Variants in GP5 observed in about 807,000 individuals in gnomAD.
GP5 encodes platelet glycoprotein V.
For synonymous variants in GP5, 382 were observed against 353.9 expected (o/e 1.08, Z -0.89); for missense variants, 755 against 737.1 (o/e 1.02, Z -0.28).
intron 1 of GP5, among the ~76,000 whole-genome samples, chr3:194,398,648 CTT>C (rs1162816379): frequency 6.6e-6 from 1 of 152,194 alleles, no homozygotes; most frequent in South Asian, 2.1e-4. Flanking sequence ...CTGCTCTTGA[CTT>C]TATAACTTAC....
At position 194,396,596 on chromosome 3, in the gene GP5, T is replaced by G; in HGVS notation, c.*4A>C. The G allele has an allele frequency of 1.3e-6, 2 of 1,598,748 alleles. No homozygotes were observed. The highest frequency in any genetic ancestry group is 1.1e-5 in the South Asian group (1 of 89,020). On this transcript the variant is annotated 3_prime_UTR_variant, in exon 2 of 2. Coordinates refer to ENST00000692618, the MANE Select transcript of GP5 (RefSeq NM_004488.2). Reference sequence around the variant, plus strand: ...CTAAGTAATTAGAAGATTTTCCCATTGGTTTACCCAAGGGCTCTCTCTCTG... The same window carrying G: ...CTAAGTAATTAGAAGATTTTCCCATGGGTTTACCCAAGGGCTCTCTCTCTG...
rs749631647 is a variant in GP5, at chr3:194,398,144, C to T, written c.139G>A (p.Gly47Ser). 8 of 1,613,126 alleles carry T rather than the reference C, an allele frequency of 5.0e-6. No homozygotes were observed. The South Asian group carries it at 8.8e-5, about 18-fold the overall frequency. Reference protein sequence around the residue: ...GGDVARISALGLPTNLTHILL... With the variant: ...GGDVARISALSLPTNLTHILL... ...ATGTGCGTGAGGTTGGTGGGCAGGC[C>T]TAGCGCGGAGATGCGCGCCACGTCG... Residue 47 changes from glycine (G) to serine (S), a missense_variant, in exon 2 of 2, where the codon GGC becomes AGC. Gly to Ser is a moderately conservative substitution (Grantham distance 56). Coordinates refer to ENST00000692618, the MANE Select transcript of GP5 (RefSeq NM_004488.2).
chr3:194,396,909 G>A lies in GP5; in HGVS notation c.1374C>T (p.Ala458=), dbSNP rs1714473607. The part of the protein sequence containing the change: ...PPRCAGPGAH[A]GLPLWALPGG... ...CCGGCAGGGCCCAGAGCGGCAGGCC[G>A]GCGTGCGCCCCAGGGCCTGCGCACC... is the stretch of plus-strand genomic sequence containing the variant. The change falls in exon 2 of 2, where the codon GCC becomes GCT. Residue 458 remains alanine, a synonymous_variant. Coordinates refer to ENST00000692618, the MANE Select transcript of GP5 (RefSeq NM_004488.2). 2.0e-6 allele frequency: 3 copies of A among 1,503,954 alleles called. No individual in the cohort carries two copies. Among genetic ancestry groups the A allele is most frequent in the East Asian group, 2.5e-5 (1 of 40,082 alleles). 93.2% of individuals were successfully genotyped at this position (1,503,954 alleles called of 1,614,324 possible). A position where few individuals can be genotyped will look rare whatever the true frequency, so the allele number is the denominator to read the frequency against.
rs773089110 is a variant in GP5 at position 194,398,271 on chromosome 3, C to A, written c.12G>T (p.Gly4=). MLR[G]TLLCAVLGLL... ...GCCCGAGCACCGCGCACAGTAGAGT[C>A]CCCCTCAGCATGTCTGAAAAAGCAA... Residue 4 remains glycine (G), a synonymous_variant, in exon 2 of 2, where the codon GGG becomes GGT. Coordinates refer to ENST00000692618, the MANE Select transcript of GP5 (RefSeq NM_004488.2). 6 of 1,601,652 alleles carry A rather than the reference C, an allele frequency of 3.7e-6. 1 individual carries two copies. The Admixed American group carries it at 5.1e-5, about 14-fold the overall frequency.
At position 194,397,708 on chromosome 3, in the gene GP5, G is replaced by T. The variant is rs1261427564; in HGVS notation, c.575C>A (p.Ala192Glu). The change falls in exon 2 of 2, where the codon GCA (alanine) becomes GAA (glutamate). Residue 192 changes from alanine (A) to glutamate (E), a missense_variant. Ala to Glu is a moderately radical substitution (Grantham distance 107). Coordinates refer to ENST00000692618, the MANE Select transcript of GP5 (RefSeq NM_004488.2). This position sits in a 1 kb window ranked among gnomAD's most constrained non-coding sequence, Gnocchi z 7.2. ...CAGAAGTCTCTCGAGCTTAGCCTGTGCTCCAAGCAACCCCTTGGGCAGGTG... is the reference window on the plus strand; with the variant it reads ...CAGAAGTCTCTCGAGCTTAGCCTGTTCTCCAAGCAACCCCTTGGGCAGGTG... ...LTHLPKGLLG[A>E]QAKLERLLLH... 3 of 1,613,908 alleles carry T rather than the reference G, an allele frequency of 1.9e-6. No individual in the cohort carries two copies. Among genetic ancestry groups the T allele is most frequent in the Non-Finnish European group, 8.5e-7 (1 of 1,179,992 alleles).
chr3:194,395,363 A>G lies in GP5; in HGVS notation c.*1237T>C, dbSNP rs950136060. The stretch of plus-strand genomic sequence containing the variant: ...AGACTGTGACAGCAGCTGAACTAGA[A>G]TCAAGCTTATCATTATATTCATGAA... On this transcript the variant is annotated 3_prime_UTR_variant, in exon 2 of 2. Coordinates refer to ENST00000692618, the MANE Select transcript of GP5 (RefSeq NM_004488.2). 1 of 152,252 alleles carries G rather than the reference A, an allele frequency of 6.6e-6. No homozygotes were observed. Among genetic ancestry groups the G allele is most frequent in the Non-Finnish European group, 1.5e-5 (1 of 68,048 alleles). 9.4% of individuals were successfully genotyped at this position (152,252 alleles called of 1,614,324 possible). A position where few individuals can be genotyped will look rare whatever the true frequency, so the allele number is the denominator to read the frequency against.
At chr3:194,398,537 A>C (rs1351758203) in intron 1 of GP5, among the ~76,000 whole-genome samples, 2 of 152,264 alleles carry the variant, frequency 1.3e-5, no homozygotes, top group African/African-American at 2.4e-5. Flanking sequence ...CAAGCTACCG[A>C]ATAGCCAATA....
chr3:194,399,186 A>G (rs1473928788), intron 1 of GP5, among the ~76,000 whole-genome samples, 52 bp downstream of exon 1: 1 of 152,240 alleles, frequency 6.6e-6, no homozygotes, highest in Non-Finnish European at 1.5e-5. Flanking sequence ...GCACACACAG[A>G]CTAAAGAGCC....
Position 194,397,614 on chromosome 3 carries a change from C to T in GP5, c.669G>A (p.Leu223=), listed in dbSNP as rs752054881. The T allele has an allele frequency of 1.9e-6, 3 of 1,614,082 alleles. No individual in the cohort carries two copies. Among genetic ancestry groups the T allele is most frequent in the Non-Finnish European group, 2.5e-6 (3 of 1,179,998 alleles). The change falls in exon 2 of 2, where the codon CTG becomes CTA. Residue 223 remains leucine (L), a synonymous_variant. Coordinates refer to ENST00000692618, the MANE Select transcript of GP5 (RefSeq NM_004488.2). This position sits in a 1 kb window ranked among gnomAD's most constrained non-coding sequence, Gnocchi z 7.2. The part of the protein sequence containing the change: ...LLNSLGALTE[L]QFHRNHIRSI... ...AACGGATGTGATTTCGGTGGAACTG[C>T]AGCTCCGTCAGGGCGCCCAGGCTGT...
rs1408282167 is a variant in GP5 at position 194,396,836 on chromosome 3, C to G, written c.1447G>C (p.Ala483Pro). 1 of 1,576,304 alleles carries G rather than the reference C, an allele frequency of 6.3e-7. No homozygotes were observed. Among genetic ancestry groups the G allele is most frequent in the South Asian group, 1.2e-5 (1 of 85,972 alleles). Residue 483 changes from alanine to proline, a missense_variant, in exon 2 of 2, where the codon GCT (alanine) becomes CCT (proline). By Grantham distance (27) the Ala-to-Pro change is conservative. Transcript: ENST00000692618. ...GGGGCTTCCGAGGAGCTGTCCGCAG[C>G]GGGGCGGGGAGGCGGGCCCCGGGGG... ...PGPRGPPPRP[A>P]ADSSSEAPVH...
In GP5 at chr3:194,397,289, G is replaced by A. The variant is rs1325991869; in HGVS notation, c.994C>T (p.Gln332Ter). The A allele has an allele frequency of 6.3e-6, 10 of 1,581,244 alleles. No individual in the cohort carries two copies. The highest frequency in any genetic ancestry group is 8.5e-6 in the Non-Finnish European group (10 of 1,171,324). The part of the protein sequence containing the change: ...TLSPRLSALP[Q>*]GAFQGLGELQ... ...TCGCCAAGGCCCTGGAAGGCGCCCTGCGGAAGCGCGCTCAGCCGCGGGCTC... is the reference window on the plus strand; with the variant it reads ...TCGCCAAGGCCCTGGAAGGCGCCCTACGGAAGCGCGCTCAGCCGCGGGCTC... The change falls in exon 2 of 2, where the codon CAG becomes TAG. Residue 332 changes from glutamine to a stop codon, truncating the protein, a stop_gained. Transcript: ENST00000692618. LOFTEE classifies it low-confidence loss of function (END_TRUNC). The surrounding 1 kb of genome is among the most constrained non-coding windows in gnomAD (Gnocchi z 7.2).
intron 1 of GP5, 63 bp from the exon 2 acceptor site, chr3:194,398,347 T>C (rs1440213369): frequency 1.1e-5 from 16 of 1,455,796 alleles, no homozygotes; most frequent in Non-Finnish European, 1.5e-5. Flanking sequence ...TACTGAACCC[T>C]GGGATCCTGC....
chr3:194,398,811 C>T (rs1361115020), intron 1 of GP5, among the ~76,000 whole-genome samples: 1 of 152,226 alleles, frequency 6.6e-6, no homozygotes, highest in African/African-American at 2.4e-5. Flanking sequence ...CTTCAATCAA[C>T]AGCCAACAAA....
chr3:194,399,121 T>C (rs1210620645), intron 1 of GP5, among the ~76,000 whole-genome samples, 117 bp downstream of exon 1: 1 of 152,212 alleles, frequency 6.6e-6, no homozygotes, highest in Non-Finnish European at 1.5e-5. Context: ...GCCAAAACAA[T>C]GTTTCCTAAG....
At position 194,398,277 on chromosome 3, in the gene GP5, C is replaced by T; in HGVS notation, c.6G>A (p.Leu2=). 6.3e-7 allele frequency: 1 copy of T among 1,595,684 alleles called. No homozygotes were observed. The highest frequency in any genetic ancestry group is 1.1e-5 in the South Asian group (1 of 89,614). The change falls in exon 2 of 2, where the codon CTG becomes CTA. Residue 2 remains leucine (L), a synonymous_variant. Coordinates refer to ENST00000692618, the MANE Select transcript of GP5 (RefSeq NM_004488.2). M[L]RGTLLCAVLG... is the part of the protein sequence containing the mutation. ...GCACCGCGCACAGTAGAGTCCCCCT[C>T]AGCATGTCTGAAAAAGCAACCGTGG...
In GP5 at chr3:194,396,677, T is replaced by C. The variant is rs764667824; in HGVS notation, c.1606A>G (p.Thr536Ala). ...FLLLAVQAMI[T>A]VIIVFAMIKI... ...ATCATAGCAAACACGATGATCACGG[T>C]GATCATGGCCTGAACAGCTAAAAGC... Residue 536 changes from threonine to alanine, a missense_variant, in exon 2 of 2, where the codon ACC becomes GCC. Thr to Ala is a moderately conservative substitution (Grantham distance 58). Transcript: ENST00000692618. 6.8e-6 allele frequency: 11 copies of C among 1,613,672 alleles called. No homozygotes were observed. Among genetic ancestry groups the C allele is most frequent in the Non-Finnish European group, 8.5e-6 (10 of 1,179,708 alleles).
chr3:194,398,156 T>G lies in GP5; in HGVS notation c.127A>C (p.Ile43Leu). 6.2e-7 allele frequency: 1 copy of G among 1,612,928 alleles called. No individual in the cohort carries two copies. The change falls in exon 2 of 2, where the codon ATC becomes CTC. Residue 43 changes from isoleucine to leucine, a missense_variant. Transcript: ENST00000692618. ...TTGGTGGGCAGGCCTAGCGCGGAGA[T>G]GCGCGCCACGTCGCCCCCCGAGCAC... ...AQCSGGDVAR[I>L]SALGLPTNLT...
rs778058382 is a variant in GP5 at position 194,396,602 on chromosome 3, A to C, written c.1681T>G (p.Ter561GluextTer7). ...AATTAGAAGATTTTCCCATTGGTTT[A>C]CCCAAGGGCTCTCTCTCTGATTAAT... ...RKLIRERALG[*>E] The change falls in exon 2 of 2, where the codon TAA becomes GAA. Residue 561 changes from the stop codon to glutamate, a stop_lost. Coordinates refer to ENST00000692618, the MANE Select transcript of GP5 (RefSeq NM_004488.2). 1 of 1,606,328 alleles carries C rather than the reference A, an allele frequency of 6.2e-7. No individual in the cohort carries two copies. The highest frequency in any genetic ancestry group is 2.2e-5 in the East Asian group (1 of 44,756).
At position 194,397,678 on chromosome 3, in the gene GP5, T is replaced by A; in HGVS notation, c.605A>T (p.His202Leu). ...AQAKLERLLL[H>L]SNRLVSLDSG... ...ATCCAGAGACACAAGGCGGTTCGAG[T>A]GGAGCAGAAGTCTCTCGAGCTTAGC... The change falls in exon 2 of 2, where the codon CAC (histidine) becomes CTC (leucine). Residue 202 changes from histidine to leucine, a missense_variant. His to Leu is a moderately conservative substitution (Grantham distance 99, BLOSUM62 -3). Coordinates refer to ENST00000692618, the MANE Select transcript of GP5 (RefSeq NM_004488.2). The surrounding 1 kb of genome is among the most constrained non-coding windows in gnomAD (Gnocchi z 7.2). 6.2e-7 allele frequency: 1 copy of A among 1,613,828 alleles called. No individual in the cohort carries two copies. The highest frequency in any genetic ancestry group is 8.5e-7 in the Non-Finnish European group (1 of 1,179,948).
Sources: allele counts gnomAD v4.1 joint callset (sites outside exome capture counted in the v4.1 genomes callset), GRCh38; gene constraint gnomAD v4.1.1; non-coding constraint Gnocchi (gnomAD v3.1); transcripts MANE v1.5; gene names NCBI Gene and HGNC (gene_info 2026-07-23, HGNC 2026-07-21).